The following TENM3 variants were observed in gnomAD, a reference collection of about 807,000 sequenced individuals.
The protein encoded by TENM3 is teneurin-3.
In TENM3, 63 loss-of-function variants were observed where a neutral mutation model predicts 255.1. The ratio of observed to expected loss-of-function variants is 0.25; its 90% CI spans 0.20 to 0.30. The LOEUF (loss-of-function observed/expected upper bound fraction) is 0.30. TENM3 is among the 10% of genes least tolerant of loss of function. The pLI is 1.00. For synonymous variants in TENM3, 1,306 were observed against 1,322.3 expected (o/e 0.99, Z 0.27); for missense variants, 2,929 against 3,461.1 (o/e 0.85, Z 3.86).
At chr4:182,676,546 A>G (rs569736003) in intron 7 of TENM3, among the ~76,000 whole-genome samples, 44 of 152,356 alleles carry the variant, frequency 2.9e-4, no homozygotes, top group Admixed American at 1.3e-3. Flanking sequence ...GAGTTGATGT[A>G]AGGACACAGT....
the TENM3 span, among the ~76,000 whole-genome samples, chr4:181,805,771 G>A: frequency 6.6e-6 from 1 of 152,118 alleles, no homozygotes; most frequent in Non-Finnish European, 1.5e-5. Flanking sequence ...AAGCAATAAA[G>A]AGTTAGAAAT....
intron 3 of TENM3, among the ~76,000 whole-genome samples, chr4:182,510,336 C>T (rs17073502): frequency 0.076 from 11,495 of 152,158 alleles, 492 homozygotes; most frequent in East Asian, 0.092. Flanking sequence ...CGCCTCTAGC[C>T]CTCTAGCCTT....
chr4:181,806,879 T>A, the TENM3 span, among the ~76,000 whole-genome samples: 1 of 152,228 alleles, frequency 6.6e-6, no homozygotes, highest in Non-Finnish European at 1.5e-5. Context: ...GGATCATATT[T>A]GTAACTGATT....
At chr4:182,609,671 T>A (rs1411416151) in intron 4 of TENM3, among the ~76,000 whole-genome samples, 1 of 152,172 alleles carries the variant, frequency 6.6e-6, no homozygotes, top group Non-Finnish European at 1.5e-5. Context: ...CTGGTCATGG[T>A]GTGTGGAAAG....
At chr4:182,573,321 A>T (rs1466056892) in intron 3 of TENM3, among the ~76,000 whole-genome samples, 1 of 152,206 alleles carries the variant, frequency 6.6e-6, no homozygotes, top group Non-Finnish European at 1.5e-5. Flanking sequence ...GACAACATAA[A>T]TGTATCAAAT....
intron 1 of TENM3, among the ~76,000 whole-genome samples, chr4:182,289,506 C>A (rs1368584463): frequency 2.0e-5 from 3 of 152,182 alleles, no homozygotes; most frequent in Non-Finnish European, 4.4e-5. Flanking sequence ...CATGCCCCAA[C>A]GTAGCAGCCC....
At chr4:182,309,765 G>C (rs1193503588) in intron 1 of TENM3, among the ~76,000 whole-genome samples, 2 of 152,160 alleles carry the variant, frequency 1.3e-5, no homozygotes, top group Admixed American at 1.3e-4. Flanking sequence ...CTGGGCTTTG[G>C]TGTATTTTTC....
Position 182,802,321 on chromosome 4 carries a change from G to A in TENM3, c.*1970G>A, listed in dbSNP as rs1561278607. ...GAAATCCTTTGGCAAGTATTATGAA[G>A]CCCAAATTTAGAAAACTATGAGATT... is the stretch of plus-strand genomic sequence containing the variant. On this transcript the variant is annotated 3_prime_UTR_variant, in exon 28 of 28. Transcript: ENST00000511685. The A allele has an allele frequency of 6.6e-6, 1 of 152,614 alleles. No homozygotes were observed. Among genetic ancestry groups the A allele is most frequent in the Admixed American group, 6.5e-5 (1 of 15,286 alleles). 9.5% of individuals were successfully genotyped at this position (152,614 alleles called of 1,614,324 possible). A position where few individuals can be genotyped will look rare whatever the true frequency, so the allele number is the denominator to read the frequency against.
At chr4:182,424,093 G>A (rs4862063) in intron 3 of TENM3, among the ~76,000 whole-genome samples, 100,365 of 151,856 alleles carry the variant, frequency 0.66, 33,607 homozygotes, top group East Asian at 0.92. Context: ...AATCCCTATA[G>A]GTAAAAACCT....
At chr4:182,706,959 CAAA>C in intron 12 of TENM3, among the ~76,000 whole-genome samples, 1 of 126,140 alleles carries the variant, frequency 7.9e-6, no homozygotes, top group South Asian at 2.6e-4. Context: ...ACCCTGTATC[CAAA>C]AAAAAAAAAA....
At chr4:182,680,208 A>G in intron 8 of TENM3, 40 bp from the exon 9 acceptor site, 1 of 1,389,314 alleles carries the variant, frequency 7.2e-7, no homozygotes, top group Non-Finnish European at 1.0e-6. Context: ...TGCAAGAGGC[A>G]GGCTATACAA....
the TENM3 span, among the ~76,000 whole-genome samples, chr4:181,585,309 A>T: frequency 6.6e-6 from 1 of 152,220 alleles, no homozygotes; most frequent in Non-Finnish European, 1.5e-5. Flanking sequence ...CTCTGAATTT[A>T]ATCCTAGTCT....
intron 3 of TENM3, among the ~76,000 whole-genome samples, chr4:182,398,430 G>T (rs2151016694): frequency 6.6e-6 from 1 of 152,248 alleles, no homozygotes; most frequent in Middle Eastern, 3.4e-3. Context: ...TTTCAGAGGT[G>T]CTGTTATATA....
intron 16 of TENM3, 74 bp downstream of exon 16, chr4:182,731,213 T>C (rs1434360611): frequency 1.3e-6 from 2 of 1,507,438 alleles, no homozygotes; most frequent in African/African-American, 2.7e-5. Context: ...ATCTTAAAAA[T>C]AGGTTATAGA....
At chr4:181,827,271 C>G in the TENM3 span, among the ~76,000 whole-genome samples, 2 of 152,074 alleles carry the variant, frequency 1.3e-5, no homozygotes, top group Admixed American at 6.6e-5. Context: ...ATTGGTGATT[C>G]GTGAAATATA....
chr4:181,640,075 A>T, the TENM3 span, among the ~76,000 whole-genome samples: 1 of 152,228 alleles, frequency 6.6e-6, no homozygotes, highest in Non-Finnish European at 1.5e-5. Context: ...CACCAAAAGG[A>T]GAAGCTGAAG....
At chr4:181,809,140 G>T in the TENM3 span, among the ~76,000 whole-genome samples, 1 of 152,134 alleles carries the variant, frequency 6.6e-6, no homozygotes, top group African/African-American at 2.4e-5. Context: ...TTCACTTGAA[G>T]AAGCTCACAA....
rs1581129469 is a variant in TENM3, at chr4:182,621,718, T to C, written c.750-6933T>C. On this transcript the variant is annotated intron_variant, in intron 4 of 27. Transcript: ENST00000511685. The stretch of plus-strand genomic sequence containing the variant: ...TATTATATATAAAATATATAATATA[T>C]ATTATATATAAAATATATAATATAT... Among the ~76,000 whole-genome samples, 8 of 72,074 alleles carry C rather than the reference T, an allele frequency of 1.1e-4. 1 individual carries two copies. The South Asian group carries it at 2.5e-3, about 22-fold the overall frequency. 47.3% of individuals were successfully genotyped at this position (72,074 alleles called of 152,430 possible). A position where few individuals can be genotyped will look rare whatever the true frequency, so the allele number is the denominator to read the frequency against.
chr4:182,052,429 C>T, the TENM3 span, among the ~76,000 whole-genome samples: 5 of 152,122 alleles, frequency 3.3e-5, no homozygotes, highest in Non-Finnish European at 7.3e-5. Flanking sequence ...TTCGGGACCA[C>T]AGAGGCCAGC....
Sources: gnomAD v4.1 joint callset for allele counts (sites outside exome capture counted in the v4.1 genomes callset) on GRCh38, gnomAD v4.1.1 for gene constraint, MANE v1.5 for transcripts, NCBI Gene and HGNC (gene_info 2026-07-23, HGNC 2026-07-21) for gene names.